Variants in CD46 observed in about 807,000 individuals in gnomAD.
The protein encoded by CD46 is CD46 molecule, also known as membrane cofactor protein.
A neutral mutation model predicts 53.3 loss-of-function variants in CD46; 30 were observed. The observed-to-expected ratio is 0.56, with a 90% CI of 0.42 to 0.76. CD46 has a LOEUF of 0.76. Among genes scored for constraint, CD46 ranks in the 30% least tolerant of loss-of-function variants. The probability of loss-of-function intolerance (pLI) is 0.00; values close to 1 mark genes in which losing one functional copy is unlikely to be tolerated. For missense variants in CD46, 409 were observed against 463.0 expected (o/e 0.88, Z 1.07); for synonymous variants, 142 against 152.0 (o/e 0.93, Z 0.48).
At chr1:207,753,901 A>G (rs972706401) in intron 1 of CD46, among the ~76,000 whole-genome samples, 3 of 152,088 alleles carry the variant, frequency 2.0e-5, no homozygotes, top group African/African-American at 7.2e-5. Context: ...TGGGTCTTGT[A>G]TGTCTGGTGC....
chr1:207,752,291 C>G lies in CD46; in HGVS notation c.79C>G (p.Leu27Val). 2 of 1,614,108 alleles carry G rather than the reference C, an allele frequency of 1.2e-6. No individual in the cohort carries two copies. The highest frequency in any genetic ancestry group is 1.7e-6 in the Non-Finnish European group (2 of 1,179,990). Residue 27 changes from leucine to valine, a missense_variant, in exon 1 of 13, where the codon CTG (leucine) becomes GTG (valine). Physicochemically the swap from Leu to Val is conservative, Grantham distance 32 (BLOSUM62 1). Coordinates refer to ENST00000367042, the MANE Select transcript of CD46 (RefSeq NM_172351.3). This position sits in a 1 kb window ranked among gnomAD's most constrained non-coding sequence, Gnocchi z 4.1. ...GTTGCTTCTGGCGGCCATGGTGTTG[C>G]TGCTGTACTCCTTCTCCGGTAGGAC... is the stretch of plus-strand genomic sequence containing the variant. ...PGLLLAAMVL[L>V]LYSFSDACEE... is the part of the protein sequence containing the mutation.
At chr1:207,761,521 TAAAC>T (rs1656213740) in intron 5 of CD46, 75 bp downstream of exon 5, 9 of 1,229,872 alleles carry the variant, frequency 7.3e-6, no homozygotes, top group Non-Finnish European at 1.1e-5. Flanking sequence ...CATCTACAGA[TAAAC>T]AAAGCAGGTG....
rs757676022 is a variant in CD46 at position 207,757,601 on chromosome 1, T to G, written c.348T>G (p.Thr116=). Residue 116 remains threonine, a synonymous_variant, in exon 3 of 13, where the codon ACT becomes ACG. Transcript: ENST00000367042. ...GCCAAGCAGTCCCTGCAAATGGGACTTACGAGTTTGGTTATCAGATGCACT... is the reference window on the plus strand; with the variant it reads ...GCCAAGCAGTCCCTGCAAATGGGACGTACGAGTTTGGTTATCAGATGCACT... ...LNGQAVPANG[T]YEFGYQMHFI... is the part of the protein sequence containing the mutation. 6 of 1,611,716 alleles carry G rather than the reference T, an allele frequency of 3.7e-6. No homozygotes were observed. Among genetic ancestry groups the G allele is most frequent in the Non-Finnish European group, 5.1e-6 (6 of 1,178,590 alleles).
chr1:207,775,328 C>A (rs951070972), intron 8 of CD46, among the ~76,000 whole-genome samples: 2 of 152,010 alleles, frequency 1.3e-5, no homozygotes, highest in African/African-American at 2.4e-5. Flanking sequence ...GTTAGAACAT[C>A]TTAGCTTGGA....
intron 8 of CD46, among the ~76,000 whole-genome samples, chr1:207,781,386 G>A (rs1173450768): frequency 6.6e-6 from 1 of 151,922 alleles, no homozygotes; most frequent in African/African-American, 2.4e-5. Flanking sequence ...TCTGTGGGTT[G>A]CCTTTTCACT....
chr1:207,766,660 G>C (rs1358090821), intron 5 of CD46, among the ~76,000 whole-genome samples: 1 of 151,968 alleles, frequency 6.6e-6, no homozygotes, highest in Non-Finnish European at 1.5e-5. Flanking sequence ...GCAGTAGTTT[G>C]GTAAAAACTA....
rs200947813 is a variant in CD46 at position 207,752,180 on chromosome 1, T to G, written c.-33T>G. The G allele has an allele frequency of 5.0e-6, 8 of 1,602,336 alleles. No individual in the cohort carries two copies. The East Asian group carries it at 1.8e-4, about 36-fold the overall frequency. ...CTGGCTCTCGGTTTCTCTGCTTTCCTCCGGAGAAATAACAGCGTCTTCCGC... is the reference window on the plus strand; with the variant it reads ...CTGGCTCTCGGTTTCTCTGCTTTCCGCCGGAGAAATAACAGCGTCTTCCGC... On this transcript the variant is annotated 5_prime_UTR_variant, in exon 1 of 13. Transcript: ENST00000367042. The surrounding 1 kb of genome is among the most constrained non-coding windows in gnomAD (Gnocchi z 4.1).
chr1:207,752,966 C>G lies in CD46; in HGVS notation c.97+657C>G, dbSNP rs1210427603. Among the ~76,000 whole-genome samples the G allele has an allele frequency of 2.0e-5, 3 of 150,904 alleles. No homozygotes were observed. The highest frequency in any genetic ancestry group is 2.0e-4 in the Admixed American group (3 of 15,162). On this transcript the variant is annotated intron_variant, in intron 1 of 12. Coordinates refer to ENST00000367042, the MANE Select transcript of CD46 (RefSeq NM_172351.3). This position sits in a 1 kb window ranked among gnomAD's most constrained non-coding sequence, Gnocchi z 4.1. ...GGCATGTTGAGTGAGAGCAGGCTCT[C>G]GGTGCCTGGGGTTAGAGAGGTGGTA...
intron 8 of CD46, among the ~76,000 whole-genome samples, chr1:207,775,742 C>G (rs1209718054): frequency 6.6e-6 from 1 of 152,154 alleles, no homozygotes; most frequent in African/African-American, 2.4e-5. Context: ...AAGCTTCGTC[C>G]CAGGTGGGGC....
chr1:207,780,138 C>G (rs1247602321), intron 8 of CD46, among the ~76,000 whole-genome samples: 1 of 151,902 alleles, frequency 6.6e-6, no homozygotes, highest in Non-Finnish European at 1.5e-5. Context: ...TCATCCCACA[C>G]TGAATCTCTA....
intron 6 of CD46, 42 bp downstream of exon 6, chr1:207,767,237 G>GT (rs1656964942): frequency 6.6e-7 from 1 of 1,520,860 alleles, no homozygotes; most frequent in Non-Finnish European, 9.1e-7. Context: ...TGTTATTGTT[G>GT]TTGCTGTTCA....
intron 2 of CD46, 149 bp from the exon 3 acceptor site, chr1:207,757,391 G>C: frequency 6.5e-6 from 5 of 774,068 alleles, no homozygotes; most frequent in Non-Finnish European, 1.1e-5. Flanking sequence ...AGATTGCCTG[G>C]GTGAATATGA....
At position 207,781,132 on chromosome 1, in the gene CD46, G is replaced by A. The variant is rs41317959; in HGVS notation, c.944-2160G>A. Among the ~76,000 whole-genome samples the A allele has an allele frequency of 5.4e-3, 810 of 149,022 alleles. 11 individuals carry two copies. The highest frequency in any genetic ancestry group is 0.019 in the African/African-American group (776 of 40,226). On this transcript the variant is annotated intron_variant, in intron 8 of 12. Coordinates refer to ENST00000367042, the MANE Select transcript of CD46 (RefSeq NM_172351.3). Reference sequence around the variant, plus strand: ...GAAGGGGACATTCAAACCATAGACCGTCCTAATAGATATGAAGTAGATATG... The same window carrying A: ...GAAGGGGACATTCAAACCATAGACCATCCTAATAGATATGAAGTAGATATG...
At chr1:207,781,921 G>T (rs902689663) in intron 8 of CD46, among the ~76,000 whole-genome samples, 1 of 144,152 alleles carries the variant, frequency 6.9e-6, no homozygotes, top group Non-Finnish European at 1.6e-5. Flanking sequence ...ATGTATTTTG[G>T]AATGGATTTT....
chr1:207,764,783 TC>T (rs765710334), intron 5 of CD46, among the ~76,000 whole-genome samples: 1 of 152,168 alleles, frequency 6.6e-6, no homozygotes, highest in Non-Finnish European at 1.5e-5. Flanking sequence ...ACCTGAATAC[TC>T]CTATATCTAC....
intron 11 of CD46, chr1:207,785,977 A>G (rs1168462739): frequency 3.0e-6 from 1 of 334,378 alleles, no homozygotes; most frequent in African/African-American, 2.1e-5. Context: ...ACCACTCACT[A>G]TGAGGCCTTC....
rs904509034 is a variant in CD46 at position 207,794,790 on chromosome 1, G to C, written c.*1313G>C. ...TAGCCAAGCAGTTTCTTTCAAAGAA[G>C]CCAGCAGGCGAAAAGCAGGGACTGC... On this transcript the variant is annotated 3_prime_UTR_variant, in exon 13 of 13. Coordinates refer to ENST00000367042, the MANE Select transcript of CD46 (RefSeq NM_172351.3). 3.3e-5 allele frequency: 5 copies of C among 152,350 alleles called. No homozygotes were observed. The highest frequency in any genetic ancestry group is 3.4e-3 in the Middle Eastern group (1 of 294). The allele number at this position is 152,350 out of a possible 1,614,324, so 9.4% of individuals were successfully genotyped here.
At chr1:207,789,545 C>T (rs1367159619) in intron 11 of CD46, among the ~76,000 whole-genome samples, 2 of 152,028 alleles carry the variant, frequency 1.3e-5, no homozygotes, top group African/African-American at 4.8e-5. Context: ...AAATTAGATC[C>T]ATCTCAGAAA....
At chr1:207,757,675 G>A (rs775639902) in intron 3 of CD46, 33 bp downstream of exon 3, 1 of 1,325,112 alleles carries the variant, frequency 7.5e-7, no homozygotes. Flanking sequence ...TAAGGGAAGT[G>A]TTAGTAATTT....
Sources: allele counts gnomAD v4.1 joint callset (sites outside exome capture counted in the v4.1 genomes callset), GRCh38; gene constraint gnomAD v4.1.1; non-coding constraint Gnocchi (gnomAD v3.1); transcripts MANE v1.5; gene names NCBI Gene and HGNC (gene_info 2026-07-23, HGNC 2026-07-21).